DLG2: variants seen among roughly 807,000 people sequenced by gnomAD.
DLG2 encodes the protein discs large MAGUK scaffold protein 2, also known as disks large homolog 2.
Under a neutral mutation model 132.5 loss-of-function variants are expected in DLG2, and 45 were observed. That is an observed-to-expected ratio of 0.34 (90% CI 0.27 to 0.44). DLG2 has a LOEUF of 0.44. Among genes scored for constraint, DLG2 ranks in the 20% least tolerant of loss-of-function variants. The pLI is 1.00. For synonymous variants in DLG2, 424 were observed against 419.6 expected, an observed-to-expected ratio of 1.01 and a Z score of -0.13; for missense variants, 1,045 against 1,196.9, an observed-to-expected ratio of 0.87 and a Z score of 1.87.
At chr11:84,875,891 C>T (rs182524002) in intron 6 of DLG2, among the ~76,000 whole-genome samples, 3 of 152,214 alleles carry the variant, frequency 2.0e-5, no homozygotes, top group African/African-American at 7.2e-5. Context: ...GTGTCCGCCA[C>T]CATACCTGGC....
chr11:85,375,237 A>G (rs1344396669), intron 3 of DLG2, among the ~76,000 whole-genome samples: 1 of 152,214 alleles, frequency 6.6e-6, no homozygotes. Context: ...GACCTTGTAG[A>G]ATATTGGAGA....
chr11:84,964,610 C>CA (rs748075662), intron 6 of DLG2, among the ~76,000 whole-genome samples: 18 of 152,206 alleles, frequency 1.2e-4, no homozygotes, highest in African/African-American at 3.9e-4. Flanking sequence ...GTTAATATGT[C>CA]AGAGTTTGTT....
chr11:84,190,817 T>C (rs1452575244), intron 8 of DLG2, among the ~76,000 whole-genome samples: 1 of 152,148 alleles, frequency 6.6e-6, no homozygotes. Context: ...CTCACTCCCT[T>C]GTCAATTGGT....
chr11:85,317,697 T>G (rs2080780634), intron 3 of DLG2, among the ~76,000 whole-genome samples: 1 of 151,712 alleles, frequency 6.6e-6, no homozygotes, highest in South Asian at 2.1e-4. Flanking sequence ...ACAGTATAGG[T>G]GCTCAATGAT....
At chr11:85,440,813 C>T (rs1475000159) in intron 3 of DLG2, among the ~76,000 whole-genome samples, 1 of 152,116 alleles carries the variant, frequency 6.6e-6, no homozygotes, top group Non-Finnish European at 1.5e-5. Flanking sequence ...CCTGGCAGAA[C>T]TTATAGGCTC....
intron 3 of DLG2, among the ~76,000 whole-genome samples, chr11:85,434,979 A>C (rs1412128971): frequency 1.3e-5 from 2 of 152,202 alleles, no homozygotes; most frequent in East Asian, 1.9e-4. Flanking sequence ...CACCACAATC[A>C]AGTCGGCTTC....
intron 6 of DLG2, among the ~76,000 whole-genome samples, chr11:84,723,233 C>G (rs1431849841): frequency 6.6e-6 from 1 of 152,158 alleles, no homozygotes; most frequent in Non-Finnish European, 1.5e-5. Context: ...CACAGTCTTT[C>G]CCTGATGAAT....
At chr11:83,885,025 T>G (rs1479094598) in intron 15 of DLG2, among the ~76,000 whole-genome samples, 2 of 152,132 alleles carry the variant, frequency 1.3e-5, no homozygotes, top group Non-Finnish European at 2.9e-5. Context: ...CTGGAAACTC[T>G]AAAAAGCAGA....
At chr11:84,526,819 C>T (rs1389976389) in intron 7 of DLG2, among the ~76,000 whole-genome samples, 1 of 141,858 alleles carries the variant, frequency 7.0e-6, no homozygotes, top group East Asian at 2.1e-4. Context: ...TGCTCTGTCG[C>T]CCAGGCTGGA....
At chr11:84,571,018 T>C (rs561843597) in intron 6 of DLG2, among the ~76,000 whole-genome samples, 7 of 152,216 alleles carry the variant, frequency 4.6e-5, no homozygotes, top group African/African-American at 1.4e-4. Context: ...TGTTTAATAG[T>C]GAGATGAGTC....
intron 6 of DLG2, among the ~76,000 whole-genome samples, chr11:85,002,684 A>G (rs942894541): frequency 1.3e-5 from 2 of 152,084 alleles, no homozygotes; most frequent in Non-Finnish European, 2.9e-5. Flanking sequence ...CGACCCTTGA[A>G]CAACATGGAT....
intron 18 of DLG2, among the ~76,000 whole-genome samples, chr11:83,719,796 T>C (rs927180962): frequency 6.6e-5 from 10 of 152,130 alleles, no homozygotes; most frequent in African/African-American, 1.9e-4. Flanking sequence ...CCAAAAGAAT[T>C]TGGGGGACTG....
intron 18 of DLG2, among the ~76,000 whole-genome samples, chr11:83,770,586 A>G (rs1391148797): frequency 6.6e-6 from 1 of 152,198 alleles, no homozygotes; most frequent in African/African-American, 2.4e-5. Flanking sequence ...ACTGCCTGAC[A>G]TATAGTAAAT....
intron 15 of DLG2, among the ~76,000 whole-genome samples, chr11:83,890,973 A>G (rs1332961013): frequency 1.3e-5 from 2 of 152,154 alleles, no homozygotes; most frequent in Non-Finnish European, 1.5e-5. Context: ...GGAATATAAG[A>G]ATAATAATAG....
chr11:85,389,830 C>A (rs1441361822), intron 3 of DLG2, among the ~76,000 whole-genome samples: 4 of 152,124 alleles, frequency 2.6e-5, no homozygotes, highest in Admixed American at 1.3e-4. Context: ...TCTCCACTAC[C>A]AAGCCAGCAC....
At chr11:83,599,276 C>G (rs1021281298) in intron 19 of DLG2, among the ~76,000 whole-genome samples, 1 of 152,194 alleles carries the variant, frequency 6.6e-6, no homozygotes, top group African/African-American at 2.4e-5. Context: ...TTCCCCTTCC[C>G]TCATGCCTAA....
Position 84,380,884 on chromosome 11 carries a change from A to G in DLG2, c.520-129593T>C, listed in dbSNP as rs2098746874. On this transcript the variant is annotated intron_variant, in intron 7 of 27. Coordinates refer to ENST00000376104, the MANE Select transcript of DLG2 (RefSeq NM_001142699.3). Reference sequence around the variant, plus strand: ...CATAATTCCAAGAGCTACATTTCATATCATATGCTACATAAATGGTGTATT... The same window carrying G: ...CATAATTCCAAGAGCTACATTTCATGTCATATGCTACATAAATGGTGTATT... Among the ~76,000 whole-genome samples the G allele has an allele frequency of 1.3e-5, 2 of 152,030 alleles. 1 individual carries two copies. The highest frequency in any genetic ancestry group is 4.1e-4 in the South Asian group (2 of 4,832).
At chr11:84,083,469 G>A (rs994040405) in intron 10 of DLG2, among the ~76,000 whole-genome samples, 12 of 152,280 alleles carry the variant, frequency 7.9e-5, no homozygotes, top group African/African-American at 2.6e-4. Flanking sequence ...TCCCCCAAAA[G>A]TTCATGTGTT....
At chr11:85,098,884 T>C (rs1217026747) in intron 6 of DLG2, among the ~76,000 whole-genome samples, 1 of 152,194 alleles carries the variant, frequency 6.6e-6, no homozygotes, top group Non-Finnish European at 1.5e-5. Flanking sequence ...TTGTACATAT[T>C]TTCCCTCACT....
Sources: allele counts gnomAD v4.1 joint callset (sites outside exome capture counted in the v4.1 genomes callset), GRCh38; gene constraint gnomAD v4.1.1; transcripts MANE v1.5; gene names NCBI Gene and HGNC (gene_info 2026-07-23, HGNC 2026-07-21).